FOCAD: variants seen among roughly 807,000 people sequenced by gnomAD.
The protein encoded by FOCAD is focadhesin.
In FOCAD, 198 loss-of-function variants were observed where a neutral mutation model predicts 225.6. That is an observed-to-expected ratio of 0.88 (90% CI 0.78 to 0.99). The LOEUF (loss-of-function observed/expected upper bound fraction) is 0.99, where lower values mean the gene tolerates loss of function less well. FOCAD is among the 50% of genes least tolerant of loss of function. The probability of loss-of-function intolerance (pLI) is 0.00; values close to 1 mark genes in which losing one functional copy is unlikely to be tolerated. For synonymous variants in FOCAD, 897 were observed against 755.0 expected (o/e 1.19, Z -3.08); for missense variants, 2,713 against 2,123.6 (o/e 1.28, Z -5.46).
At chr9:20,825,146 C>CGTGTGTGT (rs10562859) in intron 15 of FOCAD, among the ~76,000 whole-genome samples, 3,990 of 139,020 alleles carry the variant, frequency 0.029, 85 homozygotes, top group South Asian at 0.038. Context: ...TCAAGCTTTG[C>CGTGTGTGT]GTGTGTGTGT....
upstream of FOCAD, among the ~76,000 whole-genome samples, chr9:20,682,269 A>T (rs971459120): frequency 8.5e-5 from 13 of 152,216 alleles, no homozygotes; most frequent in Admixed American, 6.5e-4. Context: ...ACATAATAAG[A>T]CGGTGTCAAA....
intron 19 of FOCAD, among the ~76,000 whole-genome samples, chr9:20,878,235 C>T (rs1331900096): frequency 2.0e-5 from 3 of 152,092 alleles, no homozygotes; most frequent in African/African-American, 7.2e-5. Context: ...AGCAAGTTGG[C>T]ACTATGTGTG....
chr9:20,907,351 A>G, intron 22 of FOCAD, 109 bp downstream of exon 22: 1 of 831,862 alleles, frequency 1.2e-6, no homozygotes, highest in Non-Finnish European at 2.0e-6. Context: ...GCACTACCAA[A>G]AATGTAATGG....
At position 20,844,288 on chromosome 9, in the gene FOCAD, T is replaced by C. The variant is rs182980651; in HGVS notation, c.1921-18290T>C. On this transcript the variant is annotated intron_variant, in intron 15 of 43. Coordinates refer to ENST00000338382, the MANE Select transcript of FOCAD (RefSeq NM_001375567.1). ...TGTTCCTACTGTGCATAAGGCACTT[T>C]TAGATGTTAGAGCTGTAATGAGATA... Among the ~76,000 whole-genome samples the C allele has an allele frequency of 2.0e-5, 3 of 151,922 alleles. No homozygotes were observed. In the East Asian group the frequency reaches 5.8e-4, roughly 29 times the overall value.
intron 1 of FOCAD, among the ~76,000 whole-genome samples, chr9:20,686,060 A>G (rs1822646661): frequency 6.6e-6 from 1 of 152,172 alleles, no homozygotes; most frequent in Non-Finnish European, 1.5e-5. Context: ...TACTTTTGGG[A>G]TATTGTCCAC....
chr9:20,811,500 T>C (rs1022120727), intron 11 of FOCAD, among the ~76,000 whole-genome samples: 19 of 152,086 alleles, frequency 1.2e-4, no homozygotes, highest in African/African-American at 4.3e-4. Flanking sequence ...CCTTTGCTAG[T>C]TTAGATACAT....
intron 27 of FOCAD, among the ~76,000 whole-genome samples, chr9:20,930,751 A>G (rs1835390618): frequency 1.3e-5 from 2 of 152,222 alleles, no homozygotes; most frequent in African/African-American, 4.8e-5. Context: ...CAATATGGCC[A>G]GAATATTCAT....
At chr9:20,796,532 T>C (rs1040197452) in intron 11 of FOCAD, among the ~76,000 whole-genome samples, 1 of 152,224 alleles carries the variant, frequency 6.6e-6, no homozygotes, top group Non-Finnish European at 1.5e-5. Flanking sequence ...TGGTATCTTA[T>C]TGTGGTTTTG....
intron 11 of FOCAD, among the ~76,000 whole-genome samples, chr9:20,809,740 A>AC (rs1221718237): frequency 1.3e-5 from 2 of 152,140 alleles, no homozygotes; most frequent in African/African-American, 4.8e-5. Flanking sequence ...TAGGCTGTGA[A>AC]CCACTTGAGA....
chr9:20,847,586 C>T (rs1381795678), intron 15 of FOCAD, among the ~76,000 whole-genome samples: 1 of 151,316 alleles, frequency 6.6e-6, no homozygotes. Context: ...GTTGTTAATT[C>T]CTGGATTATG....
intron 11 of FOCAD, among the ~76,000 whole-genome samples, chr9:20,818,156 A>G (rs1823928833): frequency 6.6e-6 from 1 of 152,058 alleles, no homozygotes; most frequent in African/African-American, 2.4e-5. Context: ...ATTTTCCTGT[A>G]TTGGCCATTT....
At chr9:20,911,537 C>T (rs943826277) in intron 22 of FOCAD, among the ~76,000 whole-genome samples, 4 of 152,014 alleles carry the variant, frequency 2.6e-5, no homozygotes, top group South Asian at 2.1e-4. Flanking sequence ...TCATGAAAGA[C>T]GGTTTTGTAA....
Position 20,781,984 on chromosome 9 carries a change from C to T in FOCAD, c.1197+55C>T, listed in dbSNP as rs547635437. 2.2e-5 allele frequency: 32 copies of T among 1,481,090 alleles called. No homozygotes were observed. The East Asian group carries it at 5.5e-4, about 25-fold the overall frequency. The allele number at this position is 1,481,090 out of a possible 1,614,324, so 91.7% of individuals were successfully genotyped here. On this transcript the variant is annotated intron_variant, in intron 10 of 43. Coordinates refer to ENST00000338382, the MANE Select transcript of FOCAD (RefSeq NM_001375567.1). ...TAAAGTGTCGATGTGGGATTTCGGT[C>T]TTTACGGATAATCTTGCCTCCTGAT...
chr9:20,978,229 G>C (rs529394353), intron 36 of FOCAD, 110 bp from the exon 37 acceptor site: 18 of 619,884 alleles, frequency 2.9e-5, no homozygotes, highest in Non-Finnish European at 4.1e-5. Flanking sequence ...CTGAAGTTCT[G>C]TTACCTGCAA....
At chr9:20,779,180 A>G (rs1185641211) in intron 9 of FOCAD, among the ~76,000 whole-genome samples, 3 of 152,364 alleles carry the variant, frequency 2.0e-5, no homozygotes, top group Non-Finnish European at 2.9e-5. Flanking sequence ...AGAACAAATG[A>G]AAGATAATAT....
At chr9:20,797,186 T>C (rs1821212861) in intron 11 of FOCAD, among the ~76,000 whole-genome samples, 1 of 152,228 alleles carries the variant, frequency 6.6e-6, no homozygotes, top group Non-Finnish European at 1.5e-5. Context: ...ATCTCTGTTT[T>C]GGTACCAGTA....
At position 20,874,953 on chromosome 9, in the gene FOCAD, T is replaced by C. The variant is rs1335018029; in HGVS notation, c.2317+146T>C. 4.1e-6 allele frequency: 4 copies of C among 986,208 alleles called. No homozygotes were observed. The East Asian group carries it at 9.8e-5, about 24-fold the overall frequency. 61.1% of individuals were successfully genotyped at this position (986,208 alleles called of 1,614,324 possible). ...ATGTTAAATGCACCCATCTGTTCTA[T>C]TGAAACAGCTTGAGGTAGTATGGTG... On this transcript the variant is annotated intron_variant, in intron 19 of 43. Transcript: ENST00000338382.
chr9:20,755,950 G>A (rs531159000), intron 5 of FOCAD, among the ~76,000 whole-genome samples: 37 of 152,176 alleles, frequency 2.4e-4, no homozygotes, highest in African/African-American at 8.7e-4. Context: ...GTGAATCACT[G>A]CTACTGGCCT....
At chr9:20,948,738 C>G (rs1837418765) in intron 31 of FOCAD, 113 bp from the exon 32 acceptor site, 5 of 1,145,940 alleles carry the variant, frequency 4.4e-6, no homozygotes, top group Non-Finnish European at 6.4e-6. Context: ...TACGTTGACC[C>G]TATAAGTTTG....
Sources: allele counts gnomAD v4.1 joint callset (sites outside exome capture counted in the v4.1 genomes callset), GRCh38; gene constraint gnomAD v4.1.1; transcripts MANE v1.5; gene names NCBI Gene and HGNC (gene_info 2026-07-23, HGNC 2026-07-21).